CSMD1: variants seen among roughly 807,000 people sequenced by gnomAD.
CSMD1 encodes the protein CUB and sushi domain-containing protein 1.
CSMD1 carries 213 observed loss-of-function variants against 417.5 expected under a neutral mutation model. That is an observed-to-expected ratio of 0.51 (90% CI 0.46 to 0.57). The LOEUF is 0.57. Among genes scored for constraint, CSMD1 ranks in the 20% least tolerant of loss-of-function variants. The pLI, the probability that CSMD1 is intolerant of heterozygous loss-of-function variation, is 0.00. For synonymous variants in CSMD1, 2,862 were observed against 1,736.8 expected (o/e 1.65, Z -16.11); for missense variants, 6,923 against 4,529.7 (o/e 1.53, Z -15.17).
chr8:4,504,253 C>A (rs146035739), intron 2 of CSMD1, among the ~76,000 whole-genome samples: 2 of 152,274 alleles, frequency 1.3e-5, no homozygotes, highest in African/African-American at 4.8e-5. Flanking sequence ...CGTAGGATTC[C>A]ATTTCCATGG....
intron 7 of CSMD1, among the ~76,000 whole-genome samples, chr8:3,657,529 G>A (rs1798190563): frequency 6.6e-6 from 1 of 152,112 alleles, no homozygotes; most frequent in Non-Finnish European, 1.5e-5. Flanking sequence ...AAAAGGGTGA[G>A]TTCATGTCCT....
In CSMD1 at chr8:3,369,449, T is replaced by C. The variant is rs139984002; in HGVS notation, c.2783-79A>G. ...AGAACAAAATACTGGTTAAATGGCA[T>C]GCAATTTGCACAAGGATTAACAAAT... On this transcript the variant is annotated intron_variant, in intron 18 of 69. Transcript: ENST00000635120. The C allele has an allele frequency of 1.3e-4, 89 of 700,740 alleles. No homozygotes were observed. The African/African-American group carries it at 1.4e-3, about 11-fold the overall frequency. 43.4% of individuals were successfully genotyped at this position (700,740 alleles called of 1,614,324 possible).
chr8:4,689,122 T>C (rs1214836658), intron 1 of CSMD1, among the ~76,000 whole-genome samples: 1 of 152,190 alleles, frequency 6.6e-6, no homozygotes, highest in Non-Finnish European at 1.5e-5. Context: ...ACAGGTAACT[T>C]AGTGATCATA....
intron 25 of CSMD1, among the ~76,000 whole-genome samples, chr8:3,306,227 T>C (rs1804834392): frequency 6.6e-6 from 1 of 151,932 alleles, no homozygotes; most frequent in Non-Finnish European, 1.5e-5. Context: ...AGGGTGGCTT[T>C]TCTGAATAAG....
intron 3 of CSMD1, among the ~76,000 whole-genome samples, chr8:4,167,042 A>T (rs1350183493): frequency 6.6e-6 from 1 of 152,180 alleles, no homozygotes; most frequent in Admixed American, 6.5e-5. Flanking sequence ...GACTGCTAGA[A>T]AACAGCAACA....
At chr8:3,155,391 A>G (rs1382293772) in intron 39 of CSMD1, among the ~76,000 whole-genome samples, 2 of 11,572 alleles carry the variant, frequency 1.7e-4, no homozygotes, top group East Asian at 0.011. Context: ...TTTTTGAGAC[A>G]GAATCTCGCT....
intron 3 of CSMD1, among the ~76,000 whole-genome samples, chr8:4,285,230 G>A (rs1268722874): frequency 2.0e-5 from 3 of 152,106 alleles, no homozygotes; most frequent in African/African-American, 7.2e-5. Context: ...TATACAATCC[G>A]GTTTCATCAT....
rs1563063802 is a variant in CSMD1 at position 3,772,249 on chromosome 8, A to ATACATATATTTACACATACATATG, written c.819-18208_819-18207insCATATGTATGTGTAAATATATGTA. On this transcript the variant is annotated intron_variant, in intron 5 of 69. Transcript: ENST00000635120. ...CACACACATATTTATATATAGATAT[A>ATACATATATTTACACATACATATG]TACATATATTTAGACATACATATGT... is the stretch of plus-strand genomic sequence containing the variant. Among the ~76,000 whole-genome samples, 4 of 80,292 alleles carry ATACATATATTTACACATACATATG rather than the reference A, an allele frequency of 5.0e-5. 1 individual carries two copies. In the South Asian group the frequency reaches 1.6e-3, roughly 32 times the overall value. 52.7% of individuals were successfully genotyped at this position (80,292 alleles called of 152,430 possible).
At chr8:4,411,550 A>C (rs1358147206) in intron 3 of CSMD1, among the ~76,000 whole-genome samples, 1 of 152,168 alleles carries the variant, frequency 6.6e-6, no homozygotes, top group Non-Finnish European at 1.5e-5. Context: ...AGTATTCATT[A>C]ATTAATTTTT....
intron 9 of CSMD1, among the ~76,000 whole-genome samples, chr8:3,575,665 G>C (rs570687105): frequency 1.3e-5 from 2 of 151,852 alleles, no homozygotes; most frequent in Non-Finnish European, 2.9e-5. Context: ...AACGCAAATA[G>C]GAACTTAAAA....
Position 3,209,291 on chromosome 8 carries a change from GTTTATTTATTTA to G in CSMD1, c.4868-3683_4868-3672del, listed in dbSNP as rs34211015. 4.6e-4 allele frequency among the ~76,000 whole-genome samples: 69 copies of G among 150,216 alleles called. No individual in the cohort carries two copies. The East Asian group carries it at 4.9e-3, about 11-fold the overall frequency. On this transcript the variant is annotated intron_variant, in intron 30 of 69. Transcript: ENST00000635120. The stretch of plus-strand genomic sequence containing the variant: ...AGAATTTTTATTTATTTGTTTGTTT[GTTTATTTATTTA>G]TTTATTTATTTATTTATATTTATTT...
intron 26 of CSMD1, among the ~76,000 whole-genome samples, chr8:3,240,520 T>G (rs1799428284): frequency 1.3e-5 from 2 of 150,732 alleles, no homozygotes; most frequent in African/African-American, 2.4e-5. Flanking sequence ...TACGCCGAGA[T>G]AGGTAACAGA....
At chr8:4,104,957 A>C (rs6986954) in intron 3 of CSMD1, among the ~76,000 whole-genome samples, 73 of 152,046 alleles carry the variant, frequency 4.8e-4, no homozygotes, top group African/African-American at 1.7e-3. Flanking sequence ...GCTCACAGCC[A>C]CTGCCAATTC....
intron 3 of CSMD1, among the ~76,000 whole-genome samples, chr8:4,219,346 G>C (rs1210647411): frequency 6.6e-6 from 1 of 152,082 alleles, no homozygotes; most frequent in Non-Finnish European, 1.5e-5. Context: ...ACTTGAGCTG[G>C]AATTGGGCAC....
intron 5 of CSMD1, among the ~76,000 whole-genome samples, chr8:3,821,318 GTAT>G (rs1358849030): frequency 6.6e-6 from 1 of 152,206 alleles, no homozygotes; most frequent in East Asian, 1.9e-4. Context: ...TTATTCTCAA[GTAT>G]TATGCACTGT....
chr8:2,995,574 A>G (rs1806819188), intron 54 of CSMD1, among the ~76,000 whole-genome samples: 1 of 152,198 alleles, frequency 6.6e-6, no homozygotes, highest in African/African-American at 2.4e-5. Flanking sequence ...ATGAAAACTT[A>G]TAACCACACA....
chr8:4,573,044 C>T (rs1798962212), intron 2 of CSMD1, among the ~76,000 whole-genome samples: 1 of 152,108 alleles, frequency 6.6e-6, no homozygotes, highest in Non-Finnish European at 1.5e-5. Flanking sequence ...TTCTTATCTT[C>T]CTTGTATTGG....
intron 49 of CSMD1, among the ~76,000 whole-genome samples, chr8:3,064,407 G>C (rs1812785032): frequency 6.6e-6 from 1 of 152,050 alleles, no homozygotes; most frequent in Admixed American, 6.5e-5. Context: ...GTGAAGAAGG[G>C]ACTTGCTTCC....
intron 5 of CSMD1, among the ~76,000 whole-genome samples, chr8:3,847,124 C>G (rs1247927013): frequency 6.6e-6 from 1 of 152,138 alleles, no homozygotes; most frequent in Non-Finnish European, 1.5e-5. Context: ...GTCTCCTCCT[C>G]TTGCAAGTGG....
Sources: gnomAD v4.1 joint callset for allele counts (sites outside exome capture counted in the v4.1 genomes callset) on GRCh38, gnomAD v4.1.1 for gene constraint, MANE v1.5 for transcripts, NCBI Gene and HGNC (gene_info 2026-07-23, HGNC 2026-07-21) for gene names.